Variants in PRSS23 observed in about 807,000 individuals in gnomAD.
The protein encoded by PRSS23 is protease, serine 23.
Under a neutral mutation model 34.7 loss-of-function variants are expected in PRSS23, and 25 were observed. That is an observed-to-expected ratio of 0.72 (90% CI 0.53 to 1.01). The LOEUF (loss-of-function observed/expected upper bound fraction) is 1.01. Ranked by LOEUF, PRSS23 falls within the 50% of genes least tolerant of loss-of-function variation. The pLI, the probability that PRSS23 is intolerant of heterozygous loss-of-function variation, is 0.00. For missense variants in PRSS23, 445 were observed against 475.6 expected (o/e 0.94, Z 0.60); for synonymous variants, 176 against 186.6 (o/e 0.94, Z 0.46).
Position 86,951,891 on chromosome 11 carries a change from C to G in PRSS23, c.*606C>G. 2 of 1,613,746 alleles carry G rather than the reference C, an allele frequency of 1.2e-6. No homozygotes were observed. Among genetic ancestry groups the G allele is most frequent in the South Asian group, 2.2e-5 (2 of 91,084 alleles). On this transcript the variant is annotated 3_prime_UTR_variant, in exon 3 of 3. Coordinates refer to the PRSS23 transcript ENST00000533902. ...AGTCCTTCTTGGATGAGAACAGGTT[C>G]TGCTGCCTCTTCAAAATCACAGGAT... is the stretch of plus-strand genomic sequence containing the variant.
chr11:86,822,990 C>T (rs1379879313), intron 1 of PRSS23, among the ~76,000 whole-genome samples: 1 of 152,182 alleles, frequency 6.6e-6, no homozygotes, highest in Non-Finnish European at 1.5e-5. Flanking sequence ...ACACTGGTTA[C>T]AGCTGAACTG....
intron 2 of PRSS23, among the ~76,000 whole-genome samples, chr11:86,900,133 T>C (rs1473311169): frequency 6.6e-6 from 1 of 152,204 alleles, no homozygotes; most frequent in Non-Finnish European, 1.5e-5. Flanking sequence ...TAATGCCAAA[T>C]GTGTTCTTTT....
intron 2 of PRSS23, among the ~76,000 whole-genome samples, chr11:86,889,714 G>A (rs538379086): frequency 2.6e-5 from 4 of 152,286 alleles, no homozygotes; most frequent in African/African-American, 7.2e-5. Context: ...CAGATCCCTC[G>A]TGCCTAGAAC....
At chr11:86,831,095 C>T (rs976292054) in intron 2 of PRSS23, among the ~76,000 whole-genome samples, 7 of 151,900 alleles carry the variant, frequency 4.6e-5, no homozygotes, top group South Asian at 2.1e-4. Flanking sequence ...ATATCCTAGG[C>T]GGATGTTATT....
chr11:86,812,819 A>T (rs1308469376), downstream of PRSS23, among the ~76,000 whole-genome samples: 2 of 151,912 alleles, frequency 1.3e-5, no homozygotes, highest in African/African-American at 4.8e-5. Flanking sequence ...AAGAAAAAGA[A>T]AAAAGAAAGG....
chr11:86,881,524 A>T (rs1178719400), intron 2 of PRSS23, among the ~76,000 whole-genome samples: 2 of 151,982 alleles, frequency 1.3e-5, no homozygotes, highest in Admixed American at 6.6e-5. Context: ...AAGATTTTGC[A>T]CCTACATTCA....
At chr11:86,858,413 G>T (rs982980461) in intron 2 of PRSS23, among the ~76,000 whole-genome samples, 2 of 151,346 alleles carry the variant, frequency 1.3e-5, no homozygotes, top group African/African-American at 4.9e-5. Context: ...AATACCGATG[G>T]GGGTGCACAC....
rs115334314 is a variant in PRSS23, at chr11:86,864,157, C to G, written c.206+40564C>G. On this transcript the variant is annotated intron_variant, in intron 2 of 2. Transcript: ENST00000533902. ...AAGACTGAGACACTGAGAGAATGGC[C>G]TTGAGATGTGACTGCAGCCATTACA... 4.6e-3 allele frequency among the ~76,000 whole-genome samples: 702 copies of G among 152,184 alleles called. 11 individuals are homozygous for G. The highest frequency in any genetic ancestry group is 0.016 in the African/African-American group (682 of 41,514).
chr11:86,940,293 G>A (rs1263780179), intron 2 of PRSS23, among the ~76,000 whole-genome samples: 1 of 152,190 alleles, frequency 6.6e-6, no homozygotes, highest in East Asian at 1.9e-4. Context: ...AGTTTGCAAC[G>A]TAGGGGTGTG....
intron 2 of PRSS23, among the ~76,000 whole-genome samples, chr11:86,843,731 A>C (rs1039844125): frequency 6.6e-6 from 1 of 152,232 alleles, no homozygotes; most frequent in Non-Finnish European, 1.5e-5. Flanking sequence ...ATTTTACACC[A>C]GTTAGAATGG....
In PRSS23 at chr11:86,800,544, A is replaced by G. The variant is rs1196291020; in HGVS notation, c.-121A>G. On this transcript the variant is annotated 5_prime_UTR_variant, in exon 1 of 2. Coordinates refer to ENST00000280258, the MANE Select transcript of PRSS23 (RefSeq NM_007173.6). ...CTGCGCTGCTCGCCAGCTTGCTCGC[A>G]CTCGGCTGTGCGGCGGGGCAGGCAT... 1.0e-6 allele frequency: 1 copy of G among 984,462 alleles called. No homozygotes were observed. The highest frequency in any genetic ancestry group is 1.2e-6 in the Non-Finnish European group (1 of 829,696). The allele number at this position is 984,462 out of a possible 1,614,324, so 61.0% of individuals were successfully genotyped here. A position where few individuals can be genotyped will look rare whatever the true frequency, so the allele number is the denominator to read the frequency against.
At chr11:86,945,537 C>G (rs889982302) in intron 2 of PRSS23, 2 of 152,110 alleles carry the variant, frequency 1.3e-5, no homozygotes, top group East Asian at 3.9e-4. Flanking sequence ...GGAAAAAGAG[C>G]CCCAGCAAAA....
chr11:86,904,386 C>A (rs942614566), intron 2 of PRSS23, among the ~76,000 whole-genome samples: 1 of 152,094 alleles, frequency 6.6e-6, no homozygotes, highest in Admixed American at 6.6e-5. Flanking sequence ...TCCTAGTAAT[C>A]ATGAACTGCT....
At chr11:86,879,521 C>T (rs1293910515) in intron 2 of PRSS23, among the ~76,000 whole-genome samples, 1 of 144,782 alleles carries the variant, frequency 6.9e-6, no homozygotes, top group Admixed American at 6.8e-5. Context: ...CCCCACCCGG[C>T]CAGCCGCCCC....
At chr11:86,951,115 T>C (rs982170218) in intron 2 of PRSS23, 3 of 1,612,230 alleles carry the variant, frequency 1.9e-6, no homozygotes. Flanking sequence ...CCCTTCAAAA[T>C]GAAGAAAGCA....
chr11:86,929,388 A>G (rs7106862), intron 2 of PRSS23, among the ~76,000 whole-genome samples: 94,663 of 151,590 alleles, frequency 0.62, 30,074 homozygotes, highest in Non-Finnish European at 0.69. Flanking sequence ...CATGCCTATA[A>G]TCCTAGTACT....
intron 2 of PRSS23, among the ~76,000 whole-genome samples, chr11:86,831,002 C>T (rs1175590594): frequency 6.6e-6 from 1 of 151,952 alleles, no homozygotes; most frequent in African/African-American, 2.4e-5. Context: ...CAGGCGTGTA[C>T]ACCCAGTGAT....
At chr11:86,840,018 G>A (rs758495737) in intron 2 of PRSS23, among the ~76,000 whole-genome samples, 22 of 151,788 alleles carry the variant, frequency 1.4e-4, no homozygotes, top group Admixed American at 9.9e-4. Flanking sequence ...TAAAGACATC[G>A]ATGCTATGAA....
At chr11:86,952,488 T>C (rs1433988298) in exon 3 of PRSS23, 1 of 1,608,858 alleles carries the variant, frequency 6.2e-7, no homozygotes, top group Non-Finnish European at 8.5e-7. Flanking sequence ...AGTAACAAAA[T>C]GAACACACAC....
Sources: gnomAD v4.1 joint callset for allele counts (sites outside exome capture counted in the v4.1 genomes callset) on GRCh38, gnomAD v4.1.1 for gene constraint, MANE v1.5 for transcripts, NCBI Gene and HGNC (gene_info 2026-07-23, HGNC 2026-07-21) for gene names.